NOSTRIN: variants seen among roughly 807,000 people sequenced by gnomAD.
The protein encoded by NOSTRIN is BM247 homolog.
A neutral mutation model predicts 59.0 loss-of-function variants in NOSTRIN; 63 were observed. The ratio of observed to expected loss-of-function variants is 1.07; its 90% CI spans 0.87 to 1.32. The LOEUF is 1.32. NOSTRIN is among the 40% of genes most tolerant of loss of function. The pLI is 0.00. For missense variants in NOSTRIN, 512 were observed against 473.1 expected, an observed-to-expected ratio of 1.08 and a Z score of -0.76; for synonymous variants, 200 against 165.4, an observed-to-expected ratio of 1.21 and a Z score of -1.61.
intron 15 of NOSTRIN, among the ~76,000 whole-genome samples, chr2:168,864,228 C>T (rs144684462): frequency 1.1e-4 from 17 of 151,884 alleles, no homozygotes; most frequent in South Asian, 8.3e-4. Context: ...CTGCCCATCG[C>T]GGCCTCCCAA....
intron 12 of NOSTRIN, chr2:168,859,142 A>T (rs1175785738): frequency 5.7e-6 from 1 of 174,662 alleles, no homozygotes; most frequent in Non-Finnish European, 1.2e-5. Context: ...TTTAGCACTG[A>T]TGGCTCACCT....
chr2:168,860,643 C>G, intron 13 of NOSTRIN, 152 bp from the exon 14 acceptor site: 1 of 575,090 alleles, frequency 1.7e-6, no homozygotes, highest in Non-Finnish European at 3.1e-6. Context: ...TGCACTCCAG[C>G]CTGGGTGACA....
At chr2:168,832,979 A>G (rs935030762) in intron 6 of NOSTRIN, among the ~76,000 whole-genome samples, 34 of 152,220 alleles carry the variant, frequency 2.2e-4, no homozygotes, top group African/African-American at 8.0e-4. Context: ...TTTCACAGGA[A>G]TTCAGTACAA....
chr2:168,851,979 G>A (rs371452210), intron 10 of NOSTRIN, among the ~76,000 whole-genome samples: 2 of 152,080 alleles, frequency 1.3e-5, no homozygotes, highest in Non-Finnish European at 2.9e-5. Context: ...TCCAGTCCTC[G>A]CTGCTGTTGG....
chr2:168,813,486 A>G (rs1686251925), intron 2 of NOSTRIN, among the ~76,000 whole-genome samples: 1 of 152,128 alleles, frequency 6.6e-6, no homozygotes, highest in South Asian at 2.1e-4. Context: ...CTTGCCACCG[A>G]CATCTACTTT....
intron 6 of NOSTRIN, among the ~76,000 whole-genome samples, chr2:168,833,736 C>A (rs1054179307): frequency 3.3e-5 from 5 of 152,190 alleles, no homozygotes; most frequent in African/African-American, 1.2e-4. Flanking sequence ...CAGACAAATG[C>A]CCAACTCTCA....
At chr2:168,862,709 T>TA (rs1689541987) in intron 15 of NOSTRIN, among the ~76,000 whole-genome samples, 1 of 152,180 alleles carries the variant, frequency 6.6e-6, no homozygotes, top group South Asian at 2.1e-4. Context: ...AGTGGCTTTA[T>TA]AATGTAAACC....
chr2:168,825,991 C>T (rs1687040735), intron 3 of NOSTRIN, among the ~76,000 whole-genome samples: 1 of 152,156 alleles, frequency 6.6e-6, no homozygotes, highest in African/African-American at 2.4e-5. Flanking sequence ...AGTATAGATA[C>T]ACTGCCCAGG....
intron 8 of NOSTRIN, among the ~76,000 whole-genome samples, chr2:168,843,738 G>A (rs1351687622): frequency 1.3e-5 from 2 of 152,202 alleles, no homozygotes; most frequent in Admixed American, 6.5e-5. Flanking sequence ...TGGTAAGGAT[G>A]TTAGGAAACA....
At chr2:168,830,880 GC>G (rs1276023573) in intron 5 of NOSTRIN, among the ~76,000 whole-genome samples, 2 of 152,134 alleles carry the variant, frequency 1.3e-5, no homozygotes, top group Non-Finnish European at 2.9e-5. Flanking sequence ...TCATGCAAGG[GC>G]CTGTTACACA....
chr2:168,834,541 A>ACACACCCC (rs58702721), intron 7 of NOSTRIN, among the ~76,000 whole-genome samples: 8 of 140,362 alleles, frequency 5.7e-5, no homozygotes, highest in Non-Finnish European at 1.1e-4. Flanking sequence ...ACACACACAC[A>ACACACCCC]CCACATACAT....
chr2:168,807,106 T>C (rs1685891646), intron 1 of NOSTRIN, among the ~76,000 whole-genome samples: 1 of 152,220 alleles, frequency 6.6e-6, no homozygotes, highest in African/African-American at 2.4e-5. Context: ...AATTAGACTT[T>C]GGTGGCTTGC....
At chr2:168,862,114 C>G in intron 15 of NOSTRIN, 65 bp downstream of exon 15, 1 of 1,445,914 alleles carries the variant, frequency 6.9e-7, no homozygotes. Context: ...TGAATAAAAC[C>G]CTGTCTTAGT....
At chr2:168,831,745 A>G (rs1189888361) in intron 6 of NOSTRIN, among the ~76,000 whole-genome samples, 1 of 152,220 alleles carries the variant, frequency 6.6e-6, no homozygotes, top group Non-Finnish European at 1.5e-5. Context: ...AGCACTTATT[A>G]TGTGCTAAGT....
intron 7 of NOSTRIN, among the ~76,000 whole-genome samples, chr2:168,835,077 A>C (rs1032858423): frequency 6.6e-6 from 1 of 151,788 alleles, no homozygotes; most frequent in African/African-American, 2.4e-5. Flanking sequence ...TCTTCTTGAT[A>C]ATTTTTTTTT....
At chr2:168,807,639 C>T (rs1020526980) in intron 1 of NOSTRIN, among the ~76,000 whole-genome samples, 4 of 152,150 alleles carry the variant, frequency 2.6e-5, no homozygotes, top group African/African-American at 9.7e-5. Flanking sequence ...CCTGGGCATA[C>T]TGGCGTTTGA....
intron 9 of NOSTRIN, 32 bp downstream of exon 9, chr2:168,851,214 T>C: frequency 6.2e-7 from 1 of 1,614,158 alleles, no homozygotes; most frequent in Non-Finnish European, 8.5e-7. Flanking sequence ...ATTTCTGGTA[T>C]GCCTGGTAAG....
At chr2:168,811,546 G>T (rs759406033) in intron 1 of NOSTRIN, 21 bp from the exon 2 acceptor site, 10 of 775,788 alleles carry the variant, frequency 1.3e-5, no homozygotes, top group Admixed American at 4.6e-5. Context: ...TTGTTTTTTT[G>T]TTATTGTTCT....
intron 8 of NOSTRIN, among the ~76,000 whole-genome samples, chr2:168,843,349 A>T (rs1688209624): frequency 6.6e-6 from 1 of 152,230 alleles, no homozygotes; most frequent in South Asian, 2.1e-4. Context: ...CCTAATTCTT[A>T]GTGGACAGGA....
Sources: allele counts gnomAD v4.1 joint callset (sites outside exome capture counted in the v4.1 genomes callset), GRCh38; gene constraint gnomAD v4.1.1; transcripts MANE v1.5; gene names NCBI Gene and HGNC (gene_info 2026-07-23, HGNC 2026-07-21).